DOCK10: variants seen among roughly 807,000 people sequenced by gnomAD.
DOCK10 encodes the protein dedicator of cytokinesis protein 10.
A neutral mutation model predicts 280.1 loss-of-function variants in DOCK10; 145 were observed. The ratio of observed to expected loss-of-function variants is 0.52; its 90% CI spans 0.45 to 0.59. DOCK10 has a LOEUF of 0.59. Among genes scored for constraint, DOCK10 ranks in the 20% least tolerant of loss-of-function variants. The pLI is 0.00. For missense variants in DOCK10, 2,368 were observed against 2,651.7 expected, an observed-to-expected ratio of 0.89 and a Z score of 2.35; for synonymous variants, 915 against 942.2, an observed-to-expected ratio of 0.97 and a Z score of 0.53.
intron 55 of DOCK10, among the ~76,000 whole-genome samples, chr2:224,768,070 C>T (rs537751073): frequency 8.6e-5 from 13 of 152,014 alleles, no homozygotes; most frequent in Admixed American, 3.3e-4. Context: ...TGTGCCACCA[C>T]ACAGGCTAAT....
chr2:224,975,924 A>G (rs1300782104), intron 1 of DOCK10, among the ~76,000 whole-genome samples: 1 of 152,120 alleles, frequency 6.6e-6, no homozygotes, highest in Admixed American at 6.6e-5. Context: ...TGTTCACTGT[A>G]CCACCTTTTT....
intron 3 of DOCK10, among the ~76,000 whole-genome samples, chr2:224,896,641 C>A (rs1700004057): frequency 6.6e-6 from 1 of 152,128 alleles, no homozygotes; most frequent in Non-Finnish European, 1.5e-5. Context: ...AGGTTGAACC[C>A]AGGAGGTGGA....
chr2:225,008,588 C>G (rs753511980), intron 1 of DOCK10, among the ~76,000 whole-genome samples: 1 of 152,170 alleles, frequency 6.6e-6, no homozygotes, highest in African/African-American at 2.4e-5. Flanking sequence ...GTTGGGAGCA[C>G]TGGTATCACT....
intron 14 of DOCK10, among the ~76,000 whole-genome samples, chr2:224,859,917 A>T (rs978706869): frequency 2.0e-5 from 3 of 152,170 alleles, no homozygotes; most frequent in Admixed American, 2.0e-4. Flanking sequence ...CTTTGGCTGG[A>T]TCTTTTATAC....
chr2:224,957,496 C>T (rs1358110568), intron 1 of DOCK10, among the ~76,000 whole-genome samples: 1 of 151,954 alleles, frequency 6.6e-6, no homozygotes. Context: ...GCTATGTTGC[C>T]CAATCTAGTC....
At chr2:224,886,235 T>C (rs1574995764) in intron 5 of DOCK10, 50 bp from the exon 6 acceptor site, 1 of 1,605,732 alleles carries the variant, frequency 6.2e-7, no homozygotes. Flanking sequence ...GGATCCTAGA[T>C]CCTAGACACT....
chr2:224,905,839 G>C (rs972132023), intron 3 of DOCK10, among the ~76,000 whole-genome samples: 4 of 152,024 alleles, frequency 2.6e-5, no homozygotes, highest in Admixed American at 6.6e-5. Flanking sequence ...CTCTTTGCCT[G>C]CCCCTTAGTG....
At chr2:224,842,007 G>T in intron 22 of DOCK10, 111 bp from the exon 23 acceptor site, 1 of 764,180 alleles carries the variant, frequency 1.3e-6, no homozygotes, top group Non-Finnish European at 2.2e-6. Flanking sequence ...GCCTCGAAGT[G>T]CAAATGCTTT....
intron 1 of DOCK10, chr2:224,983,718 A>G (rs1705870925): frequency 4.3e-6 from 2 of 470,462 alleles, no homozygotes; most frequent in Non-Finnish European, 8.8e-6. Context: ...TGTTCACCCC[A>G]GAGAAGTAAA....
At chr2:224,894,196 T>A (rs933433570) in intron 4 of DOCK10, among the ~76,000 whole-genome samples, 1 of 152,224 alleles carries the variant, frequency 6.6e-6, no homozygotes, top group Non-Finnish European at 1.5e-5. Context: ...TCTTGCAAAC[T>A]ATGAGAATTG....
chr2:224,929,228 A>C (rs1405604673), intron 2 of DOCK10, among the ~76,000 whole-genome samples: 1 of 152,214 alleles, frequency 6.6e-6, no homozygotes, highest in Admixed American at 6.5e-5. Flanking sequence ...TGTTTGGAAT[A>C]AGTAAATCTT....
At chr2:224,883,649 G>A (rs540870687) in intron 7 of DOCK10, among the ~76,000 whole-genome samples, 1 of 152,298 alleles carries the variant, frequency 6.6e-6, no homozygotes, top group Non-Finnish European at 1.5e-5. Context: ...GTAAAACTAG[G>A]ATTTGAATGC....
chr2:224,838,160 A>G (rs1695715562), intron 24 of DOCK10, among the ~76,000 whole-genome samples: 1 of 152,232 alleles, frequency 6.6e-6, no homozygotes, highest in Admixed American at 6.5e-5. Flanking sequence ...TTTTGACATT[A>G]TCTTTTTGCA....
chr2:224,842,607 C>A (rs6744038), intron 22 of DOCK10, among the ~76,000 whole-genome samples: 1 of 151,338 alleles, frequency 6.6e-6, no homozygotes, highest in Non-Finnish European at 1.5e-5. Context: ...GTGTGTGTGC[C>A]CTATTTTCTC....
intron 31 of DOCK10, 81 bp downstream of exon 31, chr2:224,814,239 C>A: frequency 2.6e-6 from 2 of 774,626 alleles, no homozygotes; most frequent in Admixed American, 4.0e-5. Context: ...TTATTAGCAC[C>A]CAGAAACTGG....
Position 224,849,564 on chromosome 2 carries a change from G to A in DOCK10, c.2178C>T (p.Thr726=). 6.2e-7 allele frequency: 1 copy of A among 1,611,624 alleles called. No homozygotes were observed. The highest frequency in any genetic ancestry group is 8.5e-7 in the Non-Finnish European group (1 of 1,179,038). Residue 726 remains threonine, a synonymous_variant, in exon 19 of 56, where the codon ACC becomes ACT. Coordinates refer to ENST00000258390, the MANE Select transcript of DOCK10 (RefSeq NM_014689.3). ...IYGKPGGPLF[T]SAAYTAVLHH... ...GCAGAACTGCTGTGTAGGCGGCTGA[G>A]GTGAAGAGGGGCCCTCCAGGTTTTC...
At chr2:224,804,563 A>G (rs1693257235) in intron 38 of DOCK10, among the ~76,000 whole-genome samples, 1 of 152,086 alleles carries the variant, frequency 6.6e-6, no homozygotes, top group African/African-American at 2.4e-5. Context: ...TTTTCTTTCA[A>G]AAATTTGTGT....
Position 224,839,985 on chromosome 2 carries a change from C to A in DOCK10, c.2749G>T (p.Glu917Ter). ...NQLFKVLVQN[E>*]EDEITTTVTR... ...ACAGTTGTAGTTATTTCATCTTCCT[C>A]ATTCTGTACCAGAACTTTGAAGAGC... Residue 917 changes from glutamate (E) to a stop codon, truncating the protein, a stop_gained, in exon 24 of 56, where the codon GAG becomes TAG. Coordinates refer to ENST00000258390, the MANE Select transcript of DOCK10 (RefSeq NM_014689.3). LOFTEE classifies it high-confidence loss of function. 1 of 1,553,184 alleles carries A rather than the reference C, an allele frequency of 6.4e-7. No homozygotes were observed. The highest frequency in any genetic ancestry group is 2.3e-5 in the East Asian group (1 of 42,972).
chr2:224,848,110 AG>A (rs1301782347), intron 19 of DOCK10, among the ~76,000 whole-genome samples: 1 of 152,198 alleles, frequency 6.6e-6, no homozygotes, highest in African/African-American at 2.4e-5. Context: ...AAGCTGGAAA[AG>A]GAGATGAACT....
Sources: gnomAD v4.1 joint callset for allele counts (sites outside exome capture counted in the v4.1 genomes callset) on GRCh38, gnomAD v4.1.1 for gene constraint, MANE v1.5 for transcripts, NCBI Gene and HGNC (gene_info 2026-07-23, HGNC 2026-07-21) for gene names.